Variants in RBMS3 observed in about 807,000 individuals in gnomAD.
RBMS3 encodes RNA-binding motif, single-stranded-interacting protein 3.
Under a neutral mutation model 66.8 loss-of-function variants are expected in RBMS3, and 27 were observed. That is an observed-to-expected ratio of 0.40 (90% confidence interval 0.30 to 0.56). The LOEUF (loss-of-function observed/expected upper bound fraction) is 0.56. RBMS3 is among the 20% of genes least tolerant of loss of function. RBMS3 has a pLI of 0.40. For synonymous variants in RBMS3, 188 were observed against 183.0 expected (o/e 1.03, Z -0.22); for missense variants, 513 against 549.5 (o/e 0.93, Z 0.66).
chr3:29,608,444 T>G lies in RBMS3; in HGVS notation c.399+21239T>G, dbSNP rs1201287674. On this transcript the variant is annotated intron_variant, in intron 4 of 14. Coordinates refer to ENST00000383767, the MANE Select transcript of RBMS3 (RefSeq NM_001003793.3). Reference sequence around the variant, plus strand: ...TTACATTCTTAGTTTCATTGTGATATAAGGATTAGTTATATGCTGCTTAAA... The same window carrying G: ...TTACATTCTTAGTTTCATTGTGATAGAAGGATTAGTTATATGCTGCTTAAA... Among the ~76,000 whole-genome samples, 3 of 152,010 alleles carry G rather than the reference T, an allele frequency of 2.0e-5. No homozygotes were observed. The East Asian group carries it at 5.8e-4, about 29-fold the overall frequency.
At chr3:29,549,083 C>G (rs1235631316) in intron 3 of RBMS3, among the ~76,000 whole-genome samples, 2 of 69,136 alleles carry the variant, frequency 2.9e-5, no homozygotes, top group African/African-American at 1.3e-4. Context: ...TTTTTTTTTT[C>G]CATCCCTCTC....
At chr3:29,687,654 C>A (rs1181486174) in intron 4 of RBMS3, among the ~76,000 whole-genome samples, 3 of 152,064 alleles carry the variant, frequency 2.0e-5, no homozygotes, top group African/African-American at 7.2e-5. Context: ...TGTGTTGGTT[C>A]ATATAGGGAA....
intron 4 of RBMS3, among the ~76,000 whole-genome samples, chr3:29,685,513 A>T (rs1203157846): frequency 1.3e-5 from 2 of 152,170 alleles, no homozygotes; most frequent in Non-Finnish European, 2.9e-5. Flanking sequence ...TCCTCTAAAA[A>T]AGGGAAGAAC....
chr3:30,000,153 AG>A (rs1268345023), intron 14 of RBMS3, among the ~76,000 whole-genome samples: 3 of 152,132 alleles, frequency 2.0e-5, no homozygotes, highest in African/African-American at 7.2e-5. Context: ...CATCTGACAA[AG>A]GTCTAATATC....
chr3:29,693,852 T>C (rs2052149267), intron 4 of RBMS3, among the ~76,000 whole-genome samples: 1 of 152,198 alleles, frequency 6.6e-6, no homozygotes, highest in African/African-American at 2.4e-5. Flanking sequence ...TGTCCCCTCT[T>C]AGCTAGGTTG....
chr3:29,338,774 T>G (rs2036110676), intron 1 of RBMS3, among the ~76,000 whole-genome samples: 1 of 150,956 alleles, frequency 6.6e-6, no homozygotes, highest in Non-Finnish European at 1.5e-5. Context: ...ATTATTATTA[T>G]TATATAAATA....
chr3:29,460,878 T>C (rs145919611), intron 2 of RBMS3, among the ~76,000 whole-genome samples: 50 of 152,320 alleles, frequency 3.3e-4, no homozygotes, highest in Non-Finnish European at 6.9e-4. Context: ...TTAGGTTTGC[T>C]GACCTCAGAG....
intron 6 of RBMS3, among the ~76,000 whole-genome samples, chr3:29,849,292 G>T (rs1387217660): frequency 2.6e-5 from 4 of 151,620 alleles, no homozygotes; most frequent in African/African-American, 9.7e-5. Context: ...CAGGCGGGTG[G>T]ATCATAAGGT....
At chr3:29,688,195 C>G (rs144767207) in intron 4 of RBMS3, among the ~76,000 whole-genome samples, 30 of 152,212 alleles carry the variant, frequency 2.0e-4, no homozygotes, top group African/African-American at 6.5e-4. Flanking sequence ...TTATTCTTAG[C>G]CAGTACCACA....
At chr3:29,926,498 G>C (rs2060942409) in intron 10 of RBMS3, among the ~76,000 whole-genome samples, 1 of 152,166 alleles carries the variant, frequency 6.6e-6, no homozygotes, top group Admixed American at 6.6e-5. Context: ...ATAACAGGCA[G>C]CTATTTCTCT....
chr3:29,524,722 G>C (rs950414049), intron 3 of RBMS3, among the ~76,000 whole-genome samples: 1 of 151,880 alleles, frequency 6.6e-6, no homozygotes, highest in Non-Finnish European at 1.5e-5. Context: ...GGGATTACAG[G>C]CATGAGCCAT....
At chr3:29,886,956 C>T (rs1378254406) in intron 8 of RBMS3, among the ~76,000 whole-genome samples, 1 of 151,754 alleles carries the variant, frequency 6.6e-6, no homozygotes, top group African/African-American at 2.4e-5. Flanking sequence ...CAGGGTTCTC[C>T]ATCAAGGGCT....
intron 1 of RBMS3, among the ~76,000 whole-genome samples, chr3:29,349,096 CTTTCT>C (rs1356899641): frequency 2.6e-5 from 4 of 152,148 alleles, no homozygotes; most frequent in African/African-American, 9.7e-5. Flanking sequence ...TTCTTGAGAT[CTTTCT>C]TAGGCTCCTT....
intron 4 of RBMS3, among the ~76,000 whole-genome samples, chr3:29,711,624 A>G (rs1280047068): frequency 6.6e-6 from 1 of 152,196 alleles, no homozygotes; most frequent in Non-Finnish European, 1.5e-5. Flanking sequence ...CTACTAACCC[A>G]GGATCTCAGA....
chr3:29,761,433 C>T (rs942571313), intron 5 of RBMS3, among the ~76,000 whole-genome samples: 1 of 152,150 alleles, frequency 6.6e-6, no homozygotes, highest in African/African-American at 2.4e-5. Context: ...AAACCTTCCA[C>T]TGAGCCACAT....
intron 1 of RBMS3, among the ~76,000 whole-genome samples, chr3:29,345,288 G>T (rs1575584622): frequency 6.6e-6 from 1 of 152,194 alleles, no homozygotes; most frequent in East Asian, 1.9e-4. Flanking sequence ...AGAACAGAAA[G>T]ACTAAGAATG....
chr3:29,549,101 C>T (rs1287692761), intron 3 of RBMS3, among the ~76,000 whole-genome samples: 1 of 144,340 alleles, frequency 6.9e-6, no homozygotes, highest in Admixed American at 7.0e-5. Context: ...CTCCATTCCA[C>T]CCTCACATCT....
At chr3:29,295,463 A>C (rs1318076569) in intron 1 of RBMS3, among the ~76,000 whole-genome samples, 1 of 150,774 alleles carries the variant, frequency 6.6e-6, no homozygotes, top group Non-Finnish European at 1.5e-5. Context: ...AAATAATTCA[A>C]GATACAGCGG....
chr3:29,836,783 A>G (rs1039286777), intron 6 of RBMS3, among the ~76,000 whole-genome samples: 2 of 147,352 alleles, frequency 1.4e-5, no homozygotes, highest in Non-Finnish European at 3.0e-5. Context: ...CCATTTCACT[A>G]TATATATATA....
Sources: gnomAD v4.1 joint callset for allele counts (sites outside exome capture counted in the v4.1 genomes callset) on GRCh38, gnomAD v4.1.1 for gene constraint, MANE v1.5 for transcripts, NCBI Gene and HGNC (gene_info 2026-07-23, HGNC 2026-07-21) for gene names.